ZFAND3: variants seen among roughly 807,000 people sequenced by gnomAD.
ZFAND3 encodes the protein zinc finger AN1-type containing 3, also known as AN1-type zinc finger protein 3.
ZFAND3 carries 10 observed loss-of-function variants against 29.6 expected under a neutral mutation model. The observed-to-expected ratio is 0.34, with a 90% CI of 0.21 to 0.57. ZFAND3 has a LOEUF of 0.57. ZFAND3 is among the 20% of genes least tolerant of loss of function. ZFAND3 has a pLI of 0.86. For missense variants in ZFAND3, 230 were observed against 304.5 expected (o/e 0.76, Z 1.82); for synonymous variants, 128 against 112.6 (o/e 1.14, Z -0.87).
intron 1 of ZFAND3, among the ~76,000 whole-genome samples, chr6:37,893,844 G>A (rs1054704293): frequency 9.4e-5 from 13 of 138,410 alleles, no homozygotes; most frequent in African/African-American, 2.3e-4. Flanking sequence ...GTGAGCCACC[G>A]CGCCCGGCCC....
intron 2 of ZFAND3, among the ~76,000 whole-genome samples, chr6:37,967,673 T>C (rs549796748): frequency 1.3e-5 from 2 of 152,266 alleles, no homozygotes; most frequent in African/African-American, 4.8e-5. Context: ...ATTCTAGTTT[T>C]CTCACTTTCT....
At chr6:37,911,502 TTACTC>T (rs373790362) in intron 1 of ZFAND3, among the ~76,000 whole-genome samples, 1 of 152,228 alleles carries the variant, frequency 6.6e-6, no homozygotes, top group Non-Finnish European at 1.5e-5. Flanking sequence ...GGTTGTGTCT[TTACTC>T]TGTTGACTGT....
intron 5 of ZFAND3, among the ~76,000 whole-genome samples, chr6:38,149,383 GC>G (rs1262448826): frequency 6.8e-6 from 1 of 146,416 alleles, no homozygotes; most frequent in Non-Finnish European, 1.5e-5. Flanking sequence ...CAGCGCTCCA[GC>G]CTGGTGACAG....
At chr6:38,030,780 A>G (rs2127451554) in intron 2 of ZFAND3, among the ~76,000 whole-genome samples, 2 of 152,348 alleles carry the variant, frequency 1.3e-5, no homozygotes, top group Non-Finnish European at 2.9e-5. Context: ...AGTACAAAAA[A>G]AAAGAAAAAA....
chr6:37,849,147 C>T (rs1429257835), intron 1 of ZFAND3, among the ~76,000 whole-genome samples: 3 of 152,058 alleles, frequency 2.0e-5, no homozygotes, highest in South Asian at 2.1e-4. Flanking sequence ...TGCTCATCAA[C>T]GGGGGCTGCA....
chr6:37,847,653 T>G (rs1764206830), intron 1 of ZFAND3, among the ~76,000 whole-genome samples: 1 of 152,164 alleles, frequency 6.6e-6, no homozygotes, highest in Non-Finnish European at 1.5e-5. Flanking sequence ...ATATGATACA[T>G]AATTGGTACC....
At chr6:37,948,105 CAGTT>C (rs1249782453) in intron 2 of ZFAND3, among the ~76,000 whole-genome samples, 3 of 152,148 alleles carry the variant, frequency 2.0e-5, no homozygotes, top group Non-Finnish European at 4.4e-5. Context: ...CTTCAAGTGT[CAGTT>C]AGGTCAGGTT....
intron 1 of ZFAND3, among the ~76,000 whole-genome samples, chr6:37,887,500 A>T (rs1228679676): frequency 6.6e-6 from 1 of 152,196 alleles, no homozygotes; most frequent in Non-Finnish European, 1.5e-5. Context: ...ACTATGTTGG[A>T]AATTAACTTG....
At chr6:38,011,959 A>G (rs1440348760) in intron 2 of ZFAND3, among the ~76,000 whole-genome samples, 2 of 152,224 alleles carry the variant, frequency 1.3e-5, no homozygotes, top group Non-Finnish European at 2.9e-5. Context: ...ATGAAAGTTC[A>G]AAATATAAAA....
At chr6:38,109,429 G>C (rs567924037) in intron 4 of ZFAND3, among the ~76,000 whole-genome samples, 1 of 151,998 alleles carries the variant, frequency 6.6e-6, no homozygotes, top group African/African-American at 2.4e-5. Flanking sequence ...TGATCTGCCC[G>C]CCTCAGCGTC....
chr6:37,913,381 A>C (rs939433186), intron 1 of ZFAND3, among the ~76,000 whole-genome samples: 3 of 152,194 alleles, frequency 2.0e-5, no homozygotes, highest in African/African-American at 7.2e-5. Context: ...GAGTAGATTT[A>C]ACTCAAGAAA....
intron 2 of ZFAND3, among the ~76,000 whole-genome samples, chr6:38,009,848 A>C (rs1201931283): frequency 6.6e-6 from 1 of 152,228 alleles, no homozygotes; most frequent in African/African-American, 2.4e-5. Context: ...TTAGAGTTAC[A>C]TTACATTCTT....
intron 2 of ZFAND3, among the ~76,000 whole-genome samples, chr6:37,983,412 A>G (rs1430759475): frequency 8.2e-6 from 1 of 121,768 alleles, no homozygotes; most frequent in African/African-American, 3.2e-5. Flanking sequence ...GCTGGAGTGC[A>G]ATGGTGTGAC....
At chr6:37,880,854 A>C (rs1304297173) in intron 1 of ZFAND3, among the ~76,000 whole-genome samples, 1 of 109,532 alleles carries the variant, frequency 9.1e-6, no homozygotes, top group Non-Finnish European at 1.7e-5. Context: ...CACTCTGGGG[A>C]CTGTGGTGGG....
chr6:37,919,334 A>G lies in ZFAND3; in HGVS notation c.72-10625A>G, dbSNP rs78717635. On this transcript the variant is annotated intron_variant, in intron 1 of 5. Coordinates refer to ENST00000287218, the MANE Select transcript of ZFAND3 (RefSeq NM_021943.3). ...AAGGTCATGGATTATATAAAATTATATGTAATTTGTATATGCTCGTAATAT... is the reference window on the plus strand; with the variant it reads ...AAGGTCATGGATTATATAAAATTATGTGTAATTTGTATATGCTCGTAATAT... Among the ~76,000 whole-genome samples the G allele has an allele frequency of 5.5e-3, 831 of 152,326 alleles. 5 individuals carry two copies. Among genetic ancestry groups the G allele is most frequent in the Non-Finnish European group, 8.9e-3 (604 of 68,024 alleles).
chr6:37,894,953 A>G (rs560218762), intron 1 of ZFAND3, among the ~76,000 whole-genome samples: 1 of 152,218 alleles, frequency 6.6e-6, no homozygotes, highest in East Asian at 1.9e-4. Context: ...GTTTTAATTA[A>G]GCAGCTTTAT....
chr6:37,926,951 G>C (rs1581767733), intron 1 of ZFAND3, among the ~76,000 whole-genome samples: 1 of 152,234 alleles, frequency 6.6e-6, no homozygotes, highest in South Asian at 2.1e-4. Flanking sequence ...CTTGACCCAT[G>C]TGATCCAAGC....
At chr6:37,840,506 T>A (rs1482189437) in intron 1 of ZFAND3, among the ~76,000 whole-genome samples, 2 of 152,274 alleles carry the variant, frequency 1.3e-5, no homozygotes, top group Non-Finnish European at 2.9e-5. Context: ...ACAATTTCAT[T>A]CTTCTTTATC....
chr6:38,030,064 A>G (rs1356089330), intron 2 of ZFAND3, among the ~76,000 whole-genome samples: 17 of 20,150 alleles, frequency 8.4e-4, no homozygotes, highest in Non-Finnish European at 1.6e-3. Context: ...ATATATATAT[A>G]TATATATATA....
Sources: gnomAD v4.1 joint callset for allele counts (sites outside exome capture counted in the v4.1 genomes callset) on GRCh38, gnomAD v4.1.1 for gene constraint, MANE v1.5 for transcripts, NCBI Gene and HGNC (gene_info 2026-07-23, HGNC 2026-07-21) for gene names.